Variants in LRP11 observed in about 807,000 individuals in gnomAD.
LRP11 encodes low-density lipoprotein receptor-related protein 11.
Under a neutral mutation model 43.1 loss-of-function variants are expected in LRP11, and 25 were observed. That is an observed-to-expected ratio of 0.58 (90% CI 0.42 to 0.81). The LOEUF is 0.81. LRP11 is among the 30% of genes least tolerant of loss of function. The pLI is 0.00. For missense variants in LRP11, 623 were observed against 665.1 expected, an observed-to-expected ratio of 0.94 and a Z score of 0.70; for synonymous variants, 316 against 299.4, an observed-to-expected ratio of 1.06 and a Z score of -0.57.
At chr6:149,842,049 A>G (rs769532242) in intron 3 of LRP11, among the ~76,000 whole-genome samples, 22 of 152,386 alleles carry the variant, frequency 1.4e-4, no homozygotes, top group Non-Finnish European at 2.5e-4. Context: ...ATATAACTGC[A>G]TCTGCGTAAA....
intron 3 of LRP11, among the ~76,000 whole-genome samples, chr6:149,840,946 C>T (rs574102573): frequency 8.5e-5 from 13 of 152,250 alleles, no homozygotes; most frequent in Admixed American, 2.6e-4. Flanking sequence ...TGATGGAATC[C>T]GGGCTGAGCT....
Position 149,827,763 on chromosome 6 carries a change from C to T in LRP11, c.1253-1404G>A, listed in dbSNP as rs142987810. Among the ~76,000 whole-genome samples, 462 of 152,308 alleles carry T rather than the reference C, an allele frequency of 3.0e-3. No individual in the cohort carries two copies. The highest frequency in any genetic ancestry group is 5.2e-3 in the Non-Finnish European group (355 of 68,022). ...GCTACCTGGATTCTCTTATATGATA[C>T]CTGATCCCAGGCCAGGTAGTTCTAT... On this transcript the variant is annotated intron_variant, in intron 5 of 6. Transcript: ENST00000239367. This position sits in a 1 kb window ranked among gnomAD's most constrained non-coding sequence, Gnocchi z 4.2.
At chr6:149,862,440 C>T (rs570802222) in intron 1 of LRP11, among the ~76,000 whole-genome samples, 4 of 152,202 alleles carry the variant, frequency 2.6e-5, no homozygotes, top group Admixed American at 6.5e-5. Flanking sequence ...ACATTCATGT[C>T]CAACCACTAC....
At chr6:149,840,396 G>A (rs1175655286) in intron 3 of LRP11, among the ~76,000 whole-genome samples, 1 of 151,886 alleles carries the variant, frequency 6.6e-6, no homozygotes, top group Non-Finnish European at 1.5e-5. Context: ...ATACTCAAGC[G>A]GCCACTGAGT....
At position 149,864,149 on chromosome 6, in the gene LRP11, C is replaced by A; in HGVS notation, c.-129G>T. ...CTGGCTCTAGGCCCCGGCCTCACAG[C>A]GCGGCGCCCCCGAACCCGGCTGCTC... On this transcript the variant is annotated 5_prime_UTR_variant, in exon 1 of 7. Coordinates refer to ENST00000239367, the MANE Select transcript of LRP11 (RefSeq NM_032832.6). 1 of 1,154,676 alleles carries A rather than the reference C, an allele frequency of 8.7e-7. No homozygotes were observed. Among genetic ancestry groups the A allele is most frequent in the Non-Finnish European group, 1.1e-6 (1 of 939,266 alleles). The allele number at this position is 1,154,676 out of a possible 1,614,324, so 71.5% of individuals were successfully genotyped here. A position where few individuals can be genotyped will look rare whatever the true frequency, so the allele number is the denominator to read the frequency against.
At chr6:149,859,055 C>T (rs1562447855) in intron 1 of LRP11, among the ~76,000 whole-genome samples, 1 of 151,916 alleles carries the variant, frequency 6.6e-6, no homozygotes, top group Non-Finnish European at 1.5e-5. Flanking sequence ...TTCTCTTCAG[C>T]ATGGTTCCTT....
At chr6:149,854,162 T>C (rs79650751) in intron 1 of LRP11, among the ~76,000 whole-genome samples, 1,704 of 152,328 alleles carry the variant, frequency 0.011, 33 homozygotes, top group African/African-American at 0.04. Context: ...AGGGTCTCTA[T>C]CACCCAGGCT....
At chr6:149,826,486 A>T in intron 5 of LRP11, 127 bp from the exon 6 acceptor site, 2 of 640,374 alleles carry the variant, frequency 3.1e-6, no homozygotes, top group Non-Finnish European at 2.7e-6. Context: ...TTCTCTACTA[A>T]ACAAAGGCCT....
intron 6 of LRP11, among the ~76,000 whole-genome samples, chr6:149,823,166 A>G (rs879828461): frequency 6.6e-6 from 1 of 152,238 alleles, no homozygotes; most frequent in African/African-American, 2.4e-5. Flanking sequence ...AGAGACGTCC[A>G]AGAAGAAAGT....
At chr6:149,863,216 G>A (rs1562449626) in intron 1 of LRP11, among the ~76,000 whole-genome samples, 192 bp downstream of exon 1, 1 of 152,020 alleles carries the variant, frequency 6.6e-6, no homozygotes, top group African/African-American at 2.4e-5. Context: ...GCACGTCACC[G>A]CGCCCGCCCG....
At chr6:149,820,737 A>C (rs1455915889) in intron 6 of LRP11, 34 bp from the exon 7 acceptor site, 2 of 776,796 alleles carry the variant, frequency 2.6e-6, no homozygotes, top group Admixed American at 1.7e-5. Flanking sequence ...AGGGCAAGCC[A>C]GTGATTAGTC....
intron 3 of LRP11, among the ~76,000 whole-genome samples, chr6:149,840,061 A>G (rs1290156469): frequency 6.6e-6 from 1 of 152,222 alleles, no homozygotes; most frequent in Non-Finnish European, 1.5e-5. Flanking sequence ...TCTAAGCATG[A>G]AAAATGTTCA....
At chr6:149,847,824 T>TACACACACACACACAC (rs57292379) in intron 2 of LRP11, among the ~76,000 whole-genome samples, 4 of 131,132 alleles carry the variant, frequency 3.1e-5, no homozygotes, top group South Asian at 2.8e-4. Context: ...TAAACTAAAT[T>TACACACACACACACAC]ACACACACAC....
At position 149,820,667 on chromosome 6, in the gene LRP11, G is replaced by A. The variant is rs1420833979; in HGVS notation, c.1385C>T (p.Thr462Ile). 1 of 781,080 alleles carries A rather than the reference G, an allele frequency of 1.3e-6. No homozygotes were observed. Among genetic ancestry groups the A allele is most frequent in the Admixed American group, 1.7e-5 (1 of 59,036 alleles). 48.4% of individuals were successfully genotyped at this position (781,080 alleles called of 1,614,324 possible). Reference sequence around the variant, plus strand: ...TGCAACCATGAGAAGCAGCAGAGCAGTGATAGCCAAACCCAGCGCCAGGGG... The same window carrying A: ...TGCAACCATGAGAAGCAGCAGAGCAATGATAGCCAAACCCAGCGCCAGGGG... ...VLPLALGLAI[T>I]ALLLLMVACR... Residue 462 changes from threonine (T) to isoleucine (I), a missense_variant, in exon 7 of 7, where the codon ACT becomes ATT. Transcript: ENST00000239367.
At chr6:149,837,314 A>G (rs1345746740) in intron 4 of LRP11, 24 bp downstream of exon 4, 1 of 1,610,584 alleles carries the variant, frequency 6.2e-7, no homozygotes, top group African/African-American at 1.3e-5. Flanking sequence ...GCCACTGCCT[A>G]GCAATGTGAC....
intron 2 of LRP11, among the ~76,000 whole-genome samples, chr6:149,850,067 AGAG>A (rs1323278867): frequency 1.3e-5 from 2 of 152,162 alleles, no homozygotes; most frequent in African/African-American, 4.8e-5. Flanking sequence ...TGGCTCAAGA[AGAG>A]GAGGAGATGG....
In LRP11 at chr6:149,835,437, A is replaced by T. The variant is rs1776458750; in HGVS notation, c.1252+648T>A. ...CAACATGGCAAAACCTTGTCTCTAT[A>T]AAAAATACAAAAATTAGTCAGGCAT... On this transcript the variant is annotated intron_variant, in intron 5 of 6. Coordinates refer to ENST00000239367, the MANE Select transcript of LRP11 (RefSeq NM_032832.6). 3.3e-5 allele frequency among the ~76,000 whole-genome samples: 5 copies of T among 152,100 alleles called. No homozygotes were observed. The South Asian group carries it at 1.0e-3, about 31-fold the overall frequency.
At chr6:149,859,950 T>C (rs551861499) in intron 1 of LRP11, among the ~76,000 whole-genome samples, 1 of 152,338 alleles carries the variant, frequency 6.6e-6, no homozygotes, top group Non-Finnish European at 1.5e-5. Context: ...AATTTGTGTA[T>C]GGTCAGAGTT....
intron 1 of LRP11, among the ~76,000 whole-genome samples, chr6:149,859,923 T>C (rs907795651): frequency 2.6e-5 from 4 of 152,328 alleles, no homozygotes; most frequent in Admixed American, 6.5e-5. Flanking sequence ...AAAAATTTAA[T>C]TCTTTAATCC....
Sources: gnomAD v4.1 joint callset for allele counts (sites outside exome capture counted in the v4.1 genomes callset) on GRCh38, gnomAD v4.1.1 for gene constraint, Gnocchi (gnomAD v3.1) non-coding constraint, MANE v1.5 for transcripts, NCBI Gene and HGNC (gene_info 2026-07-23, HGNC 2026-07-21) for gene names.